Variants in PICALM observed in about 807,000 individuals in gnomAD.
The protein encoded by PICALM is phosphatidylinositol binding clathrin assembly protein, also known as phosphatidylinositol-binding clathrin assembly protein.
Under a neutral mutation model 80.5 loss-of-function variants are expected in PICALM, and 40 were observed. The ratio of observed to expected loss-of-function variants is 0.50; its 90% CI spans 0.39 to 0.65. The LOEUF (loss-of-function observed/expected upper bound fraction) is 0.65, where lower values mean the gene tolerates loss of function less well. Ranked by LOEUF, PICALM falls within the 30% of genes least tolerant of loss-of-function variation. PICALM has a pLI of 0.00. For missense variants in PICALM, 676 were observed against 778.9 expected (o/e 0.87, Z 1.57); for synonymous variants, 288 against 260.3 (o/e 1.11, Z -1.02).
In PICALM at chr11:86,003,374, A is replaced by G; in HGVS notation, c.885T>C (p.Ala295=). 1 of 1,586,192 alleles carries G rather than the reference A, an allele frequency of 6.3e-7. No homozygotes were observed. Among genetic ancestry groups the G allele is most frequent in the East Asian group, 2.2e-5 (1 of 44,540 alleles). Residue 295 remains alanine, a synonymous_variant, in exon 9 of 20, where the codon GCT becomes GCC. Transcript: ENST00000393346. ...TACAAAGAATGATATACCTGCTTGCAGCTGTAGAATCTTTGATTTTCTTTC... is the reference window on the plus strand; with the variant it reads ...TACAAAGAATGATATACCTGCTTGCGGCTGTAGAATCTTTGATTTTCTTTC... ...LEGKKIKDST[A]ASRATTLSNA...
At chr11:86,037,386 A>G (rs893031997) in intron 1 of PICALM, among the ~76,000 whole-genome samples, 12 of 151,296 alleles carry the variant, frequency 7.9e-5, no homozygotes, top group Non-Finnish European at 1.5e-4. Context: ...CAGCCTCCCA[A>G]GTAGCTGGGA....
intron 4 of PICALM, among the ~76,000 whole-genome samples, 184 bp from the exon 5 acceptor site, chr11:86,015,147 C>A (rs746766451): frequency 6.6e-6 from 1 of 151,956 alleles, no homozygotes; most frequent in Non-Finnish European, 1.5e-5. Context: ...AAACAGGCAA[C>A]ACAATATGTC....
At chr11:86,059,809 A>C (rs1194440497) in intron 1 of PICALM, among the ~76,000 whole-genome samples, 1 of 152,152 alleles carries the variant, frequency 6.6e-6, no homozygotes, top group Non-Finnish European at 1.5e-5. Context: ...GGTAGTCAAG[A>C]ACTTTTGGCA....
At chr11:86,019,139 A>T (rs550733836) in intron 4 of PICALM, among the ~76,000 whole-genome samples, 18 of 152,208 alleles carry the variant, frequency 1.2e-4, no homozygotes, top group Non-Finnish European at 2.6e-4. Context: ...ACATAAAAAA[A>T]AATCTTAATA....
At chr11:86,028,940 C>T (rs10898430) in intron 2 of PICALM, among the ~76,000 whole-genome samples, 37,082 of 151,076 alleles carry the variant, frequency 0.25, 4,707 homozygotes, top group East Asian at 0.47. Context: ...CAGGTTTAAG[C>T]GATTCTCCTG....
chr11:86,068,520 G>A, intron 1 of PICALM, 131 bp downstream of exon 1: 1 of 824,360 alleles, frequency 1.2e-6, no homozygotes, highest in African/African-American at 1.7e-5. Context: ...AACGGGCACA[G>A]GACCGGCCGT....
chr11:86,041,023 A>AC (rs2095954696), intron 1 of PICALM, among the ~76,000 whole-genome samples: 1 of 152,164 alleles, frequency 6.6e-6, no homozygotes, highest in Non-Finnish European at 1.5e-5. Context: ...AGGGGAAAGC[A>AC]AATTTTCCCT....
intron 6 of PICALM, among the ~76,000 whole-genome samples, chr11:86,011,850 T>C (rs1368696123): frequency 6.7e-6 from 1 of 149,540 alleles, no homozygotes; most frequent in African/African-American, 2.4e-5. Context: ...CTATCCTTTT[T>C]GTTTTTTTTT....
intron 13 of PICALM, among the ~76,000 whole-genome samples, chr11:85,989,356 C>T (rs188050008): frequency 3.7e-4 from 56 of 152,282 alleles, no homozygotes; most frequent in Middle Eastern, 6.8e-3. Context: ...CTTCCTCTCA[C>T]TTATATATAT....
intron 8 of PICALM, among the ~76,000 whole-genome samples, chr11:86,004,578 A>T (rs2095237071): frequency 6.6e-6 from 1 of 152,144 alleles, no homozygotes; most frequent in Non-Finnish European, 1.5e-5. Flanking sequence ...ACTTAATATG[A>T]AGAAAGCTCT....
chr11:86,000,630 CT>C lies in PICALM; in HGVS notation c.1154+12del. 1 of 1,607,472 alleles carries C rather than the reference CT, an allele frequency of 6.2e-7. No homozygotes were observed. Among genetic ancestry groups the C allele is most frequent in the Non-Finnish European group, 8.5e-7 (1 of 1,177,608 alleles). On this transcript the variant is annotated intron_variant, in intron 11 of 19. Coordinates refer to ENST00000393346, the MANE Select transcript of PICALM (RefSeq NM_007166.4). ...CCTACATATTCAAAGGTAACCTTAACTTCTACTCCTACCTGTTAGAAGAACT... is the reference window on the plus strand; with the variant it reads ...CCTACATATTCAAAGGTAACCTTAACTCTACTCCTACCTGTTAGAAGAACT...
intron 13 of PICALM, among the ~76,000 whole-genome samples, chr11:85,989,954 T>C (rs1325724514): frequency 7.0e-6 from 1 of 143,064 alleles, no homozygotes; most frequent in African/African-American, 2.6e-5. Context: ...GGAAGCTGCA[T>C]GTGATACTAG....
intron 18 of PICALM, 62 bp downstream of exon 18, chr11:85,976,561 T>G (rs539439959): frequency 1.4e-4 from 145 of 1,019,522 alleles, no homozygotes; most frequent in Non-Finnish European, 2.0e-4. Context: ...TAAATTGTAA[T>G]AAAAACATGT....
At chr11:86,048,044 T>C (rs1400124250) in intron 1 of PICALM, among the ~76,000 whole-genome samples, 3 of 151,772 alleles carry the variant, frequency 2.0e-5, no homozygotes, top group Non-Finnish European at 4.4e-5. Flanking sequence ...GAGGCTGCAG[T>C]GAGCCGAGAT....
chr11:86,064,995 TTTC>T (rs2096423301), intron 1 of PICALM, among the ~76,000 whole-genome samples: 2 of 151,992 alleles, frequency 1.3e-5, no homozygotes, highest in Admixed American at 6.6e-5. Context: ...TGTGGGAGGA[TTTC>T]TTGAGCCTGA....
chr11:86,031,378 C>T, intron 2 of PICALM, 91 bp downstream of exon 2: 1 of 963,982 alleles, frequency 1.0e-6, no homozygotes, highest in Non-Finnish European at 1.5e-6. Flanking sequence ...GACCTTTGTA[C>T]CTGGGAGCTG....
intron 10 of PICALM, 62 bp downstream of exon 10, chr11:86,000,973 C>T (rs1256761040): frequency 1.3e-6 from 2 of 1,585,042 alleles, no homozygotes; most frequent in Non-Finnish European, 1.7e-6. Context: ...TGTGCAGAGG[C>T]CCCATTTACC....
At chr11:86,017,626 T>C (rs530036163) in intron 4 of PICALM, among the ~76,000 whole-genome samples, 1 of 152,322 alleles carries the variant, frequency 6.6e-6, no homozygotes, top group Admixed American at 6.5e-5. Flanking sequence ...AGAGCTTAAG[T>C]AAGGCCTTCC....
At chr11:85,999,771 A>G (rs1283736219) in intron 11 of PICALM, among the ~76,000 whole-genome samples, 2 of 152,218 alleles carry the variant, frequency 1.3e-5, no homozygotes, top group African/African-American at 4.8e-5. Context: ...GTGAAAGGAA[A>G]AAACTCACCA....
Sources: allele counts gnomAD v4.1 joint callset (sites outside exome capture counted in the v4.1 genomes callset), GRCh38; gene constraint gnomAD v4.1.1; transcripts MANE v1.5; gene names NCBI Gene and HGNC (gene_info 2026-07-23, HGNC 2026-07-21).